Variants in PIK3CB observed in about 807,000 individuals in gnomAD.
PIK3CB encodes phosphatidylinositol-4,5-bisphosphate 3-kinase catalytic subunit beta.
PIK3CB carries 39 observed loss-of-function variants against 136.8 expected under a neutral mutation model. The ratio of observed to expected loss-of-function variants is 0.29; its 90% confidence interval spans 0.22 to 0.37. PIK3CB has a LOEUF of 0.37. Among genes scored for constraint, PIK3CB ranks in the 10% least tolerant of loss-of-function variants. The pLI is 1.00. For missense variants in PIK3CB, 868 were observed against 1,275.4 expected (o/e 0.68, Z 4.87); for synonymous variants, 428 against 436.6 (o/e 0.98, Z 0.25).
chr3:138,656,811 C>T (rs914875073), intron 22 of PIK3CB, among the ~76,000 whole-genome samples: 1 of 152,056 alleles, frequency 6.6e-6, no homozygotes, highest in Non-Finnish European at 1.5e-5. Context: ...TGCTCTGTCT[C>T]CCAGGCTGGA....
intron 1 of PIK3CB, among the ~76,000 whole-genome samples, chr3:138,808,060 C>G (rs1413642800): frequency 6.6e-6 from 1 of 151,902 alleles, no homozygotes; most frequent in Non-Finnish European, 1.5e-5. Flanking sequence ...ATGTCATGTT[C>G]CCTCAATCAG....
chr3:138,723,948 GT>G, intron 8 of PIK3CB, among the ~76,000 whole-genome samples: 1 of 152,236 alleles, frequency 6.6e-6, no homozygotes, highest in East Asian at 1.9e-4. Flanking sequence ...TTTGTAAAAA[GT>G]GAAAAACTGT....
chr3:138,681,390 C>A (rs2043778776), intron 19 of PIK3CB, among the ~76,000 whole-genome samples: 1 of 152,066 alleles, frequency 6.6e-6, no homozygotes, highest in Non-Finnish European at 1.5e-5. Flanking sequence ...ACATCTTTTC[C>A]TTATGTTCAC....
At chr3:138,768,764 A>G (rs1307915386) in intron 2 of PIK3CB, among the ~76,000 whole-genome samples, 3 of 152,190 alleles carry the variant, frequency 2.0e-5, no homozygotes. Context: ...CTGGCGTGTC[A>G]GCACTACCCT....
intron 1 of PIK3CB, among the ~76,000 whole-genome samples, chr3:138,820,543 G>T (rs1933516278): frequency 6.6e-6 from 1 of 152,088 alleles, no homozygotes; most frequent in Non-Finnish European, 1.5e-5. Flanking sequence ...GCCCAGGCTG[G>T]AGTGCAGTGG....
At chr3:138,774,603 T>C (rs1173751731) in intron 2 of PIK3CB, among the ~76,000 whole-genome samples, 6 of 152,200 alleles carry the variant, frequency 3.9e-5, no homozygotes, top group Non-Finnish European at 8.8e-5. Context: ...CAATCAGGAA[T>C]GACTGTTTGT....
chr3:138,794,370 T>C (rs1389400083), intron 2 of PIK3CB, among the ~76,000 whole-genome samples: 2 of 152,182 alleles, frequency 1.3e-5, no homozygotes, highest in Non-Finnish European at 2.9e-5. Flanking sequence ...CAAAAGTCAG[T>C]TAAGAGGCTG....
At chr3:138,799,788 C>T (rs1445780620) in intron 1 of PIK3CB, among the ~76,000 whole-genome samples, 5 of 152,020 alleles carry the variant, frequency 3.3e-5, no homozygotes, top group Non-Finnish European at 7.4e-5. Context: ...AGGGATCCTC[C>T]CACCTCAGCC....
At chr3:138,683,248 G>T (rs997508542) in intron 18 of PIK3CB, among the ~76,000 whole-genome samples, 2 of 151,906 alleles carry the variant, frequency 1.3e-5, no homozygotes, top group African/African-American at 4.8e-5. Flanking sequence ...CAGCTACTCT[G>T]GGGGCTGAGG....
rs538682599 is a variant in PIK3CB at position 138,803,852 on chromosome 3, G to A, written c.-121-7285C>T. 5.9e-5 allele frequency among the ~76,000 whole-genome samples: 9 copies of A among 152,206 alleles called. No homozygotes were observed. In the South Asian group the frequency reaches 1.5e-3, roughly 25 times the overall value. On this transcript the variant is annotated intron_variant, in intron 1 of 23. Transcript: ENST00000674063. ...AAAGTCTCTGTGGCTTGTCTATCTAGGAAAGTTCCAGCCTCTCAGCAGAAT... is the reference window on the plus strand; with the variant it reads ...AAAGTCTCTGTGGCTTGTCTATCTAAGAAAGTTCCAGCCTCTCAGCAGAAT...
chr3:138,699,244 T>C, intron 12 of PIK3CB, 149 bp from the exon 13 acceptor site: 1 of 306,776 alleles, frequency 3.3e-6, no homozygotes, highest in Non-Finnish European at 5.7e-6. Context: ...AAAAGGTAGA[T>C]CCTTTAATAA....
chr3:138,814,249 G>A (rs553743281), intron 1 of PIK3CB, among the ~76,000 whole-genome samples: 10 of 152,158 alleles, frequency 6.6e-5, no homozygotes, highest in South Asian at 4.2e-4. Context: ...AGGCCCAGGC[G>A]GGAGGATCAC....
At chr3:138,677,251 G>T (rs577144151) in intron 19 of PIK3CB, among the ~76,000 whole-genome samples, 3 of 152,118 alleles carry the variant, frequency 2.0e-5, no homozygotes, top group Admixed American at 2.0e-4. Context: ...TAGAGACGGG[G>T]TATCACCATG....
intron 11 of PIK3CB, among the ~76,000 whole-genome samples, chr3:138,706,782 G>A (rs760693224): frequency 6.6e-6 from 1 of 152,062 alleles, no homozygotes; most frequent in Non-Finnish European, 1.5e-5. Context: ...TCAGCCTCCC[G>A]AGTAGCTGGG....
intron 19 of PIK3CB, among the ~76,000 whole-genome samples, chr3:138,676,769 T>C (rs1372865249): frequency 1.3e-5 from 2 of 152,192 alleles, no homozygotes; most frequent in Non-Finnish European, 2.9e-5. Context: ...TGTGTTTCCA[T>C]TTATATAAAA....
At chr3:138,802,130 T>C (rs1385889304) in intron 1 of PIK3CB, among the ~76,000 whole-genome samples, 3 of 150,584 alleles carry the variant, frequency 2.0e-5, no homozygotes, top group South Asian at 4.2e-4. Context: ...TCTCAGAACT[T>C]TGGGAGGTCG....
rs541991032 is a variant in PIK3CB at position 138,761,756 on chromosome 3, C to T, written c.-16-2397G>A. ...TTGCACTCCAGCCTGGGCAACACAGCGAGACTTCGTCTCAAAAAAATAAAA... is the reference window on the plus strand; with the variant it reads ...TTGCACTCCAGCCTGGGCAACACAGTGAGACTTCGTCTCAAAAAAATAAAA... On this transcript the variant is annotated intron_variant, in intron 2 of 23. Transcript: ENST00000674063. Among the ~76,000 whole-genome samples the T allele has an allele frequency of 7.3e-4, 110 of 149,966 alleles. 3 individuals are homozygous for T. The highest frequency in any genetic ancestry group is 4.5e-3 in the South Asian group (21 of 4,702).
intron 8 of PIK3CB, among the ~76,000 whole-genome samples, chr3:138,729,656 A>G (rs977113870): frequency 6.6e-6 from 1 of 152,164 alleles, no homozygotes; most frequent in African/African-American, 2.4e-5. Flanking sequence ...CAAGCCTACC[A>G]GCCTTCAGAT....
chr3:138,815,368 A>AAAAAAAAAAAAAC (rs1553743726), intron 1 of PIK3CB, among the ~76,000 whole-genome samples: 7 of 105,906 alleles, frequency 6.6e-5, no homozygotes, highest in Non-Finnish European at 1.2e-4. Flanking sequence ...AAAAAAAAAA[A>AAAAAAAAAAAAAC]AAAAAAACTA....
Sources: allele counts gnomAD v4.1 joint callset (sites outside exome capture counted in the v4.1 genomes callset), GRCh38; gene constraint gnomAD v4.1.1; transcripts MANE v1.5; gene names NCBI Gene and HGNC (gene_info 2026-07-23, HGNC 2026-07-21).